Variants in GALNTL6 observed in about 807,000 individuals in gnomAD.
GALNTL6 encodes polypeptide N-acetylgalactosaminyltransferase like 6, also known as polypeptide N-acetylgalactosaminyltransferase-like 6.
Under a neutral mutation model 73.7 loss-of-function variants are expected in GALNTL6, and 46 were observed. The observed-to-expected ratio is 0.62, with a 90% confidence interval of 0.49 to 0.80. The LOEUF is 0.80. GALNTL6 is among the 30% of genes least tolerant of loss of function. The pLI is 0.00. For missense variants in GALNTL6, 604 were observed against 755.0 expected, an observed-to-expected ratio of 0.80 and a Z score of 2.34; for synonymous variants, 259 against 263.7, an observed-to-expected ratio of 0.98 and a Z score of 0.17.
At chr4:172,735,337 T>C (rs1464713598) in intron 5 of GALNTL6, among the ~76,000 whole-genome samples, 1 of 152,218 alleles carries the variant, frequency 6.6e-6, no homozygotes, top group African/African-American at 2.4e-5. Flanking sequence ...ACTTTGAGGT[T>C]TAATGACTGC....
intron 7 of GALNTL6, among the ~76,000 whole-genome samples, chr4:172,856,755 G>T (rs1744143712): frequency 6.6e-6 from 1 of 152,150 alleles, no homozygotes; most frequent in South Asian, 2.1e-4. Context: ...TGGTAAAGGG[G>T]ATTTCAGTGT....
chr4:172,344,528 T>C (rs7680698), intron 4 of GALNTL6, among the ~76,000 whole-genome samples: 3,452 of 152,328 alleles, frequency 0.023, 123 homozygotes, highest in African/African-American at 0.077. Context: ...TTCTACTCTT[T>C]GCCATCTGCA....
intron 2 of GALNTL6, among the ~76,000 whole-genome samples, chr4:171,821,640 G>GATATATATATATATAT (rs3080305): frequency 0.019 from 2,815 of 145,660 alleles, 39 homozygotes; most frequent in Non-Finnish European, 0.027. Context: ...AGGCTTAACG[G>GATATATATATATATAT]ATATATATAT....
chr4:172,285,285 G>A (rs1739207147), intron 3 of GALNTL6, among the ~76,000 whole-genome samples: 1 of 152,060 alleles, frequency 6.6e-6, no homozygotes, highest in South Asian at 2.1e-4. Flanking sequence ...ATTTATGGCT[G>A]ATAAAATTTA....
At chr4:171,994,136 G>C (rs1740418783) in intron 2 of GALNTL6, among the ~76,000 whole-genome samples, 1 of 151,958 alleles carries the variant, frequency 6.6e-6, no homozygotes, top group African/African-American at 2.4e-5. Flanking sequence ...TAGAAGTATG[G>C]TGATTGAAAC....
intron 5 of GALNTL6, among the ~76,000 whole-genome samples, chr4:172,732,328 A>G (rs767173999): frequency 2.0e-5 from 3 of 152,026 alleles, no homozygotes; most frequent in Non-Finnish European, 4.4e-5. Flanking sequence ...TGTGTAGTCT[A>G]TTTCATATAA....
intron 2 of GALNTL6, among the ~76,000 whole-genome samples, chr4:171,955,329 C>T (rs1022582113): frequency 6.6e-6 from 1 of 151,382 alleles, no homozygotes. Context: ...ATATATACAC[C>T]TTTTTATTTG....
At chr4:172,645,906 C>T (rs777429526) in intron 5 of GALNTL6, among the ~76,000 whole-genome samples, 20 of 151,878 alleles carry the variant, frequency 1.3e-4, no homozygotes, top group Non-Finnish European at 2.8e-4. Flanking sequence ...GTCTCTGAGT[C>T]TTCAGAGATA....
chr4:172,329,929 A>G (rs1418479781), intron 4 of GALNTL6, among the ~76,000 whole-genome samples: 1 of 151,842 alleles, frequency 6.6e-6, no homozygotes, highest in Non-Finnish European at 1.5e-5. Flanking sequence ...GGGCAGCTAC[A>G]CTGAGGGCAA....
Position 172,671,671 on chromosome 4 carries a change from G to T in GALNTL6, c.554-137690G>T, listed in dbSNP as rs547271571. ...CTTATTTCTTTCTCCTGATTGCCCA[G>T]GCCAGGACTTCCAATACTATGTTGA... On this transcript the variant is annotated intron_variant, in intron 5 of 12. Coordinates refer to ENST00000506823, the MANE Select transcript of GALNTL6 (RefSeq NM_001034845.3). 2.0e-5 allele frequency among the ~76,000 whole-genome samples: 3 copies of T among 152,170 alleles called. No individual in the cohort carries two copies. In the East Asian group the frequency reaches 5.8e-4, roughly 29 times the overall value.
chr4:172,688,633 G>A (rs1456378401), intron 5 of GALNTL6, among the ~76,000 whole-genome samples: 2 of 152,228 alleles, frequency 1.3e-5, no homozygotes, highest in African/African-American at 4.8e-5. Context: ...TAGTAAGAAG[G>A]CTGTTTATTT....
chr4:172,373,503 A>G (rs1286371864), intron 5 of GALNTL6, among the ~76,000 whole-genome samples: 1 of 152,178 alleles, frequency 6.6e-6, no homozygotes, highest in Non-Finnish European at 1.5e-5. Flanking sequence ...ATGTTTAACA[A>G]TATCCTGTAA....
At chr4:172,022,778 C>A (rs764652058) in intron 2 of GALNTL6, among the ~76,000 whole-genome samples, 1 of 151,976 alleles carries the variant, frequency 6.6e-6, no homozygotes, top group Non-Finnish European at 1.5e-5. Context: ...GGCTGCTAAG[C>A]ACTCCTGCAA....
At chr4:172,482,250 T>G (rs958177163) in intron 5 of GALNTL6, among the ~76,000 whole-genome samples, 1 of 152,102 alleles carries the variant, frequency 6.6e-6, no homozygotes, top group African/African-American at 2.4e-5. Context: ...CACCTGCGCC[T>G]CTCCCTCCAC....
At chr4:172,948,247 C>T (rs576562382) in intron 9 of GALNTL6, among the ~76,000 whole-genome samples, 1 of 152,274 alleles carries the variant, frequency 6.6e-6, no homozygotes, top group South Asian at 2.1e-4. Context: ...GTTTATGTAA[C>T]ACTTATAGCT....
chr4:172,171,029 CTCA>C (rs1734803480), intron 2 of GALNTL6, among the ~76,000 whole-genome samples: 1 of 152,138 alleles, frequency 6.6e-6, no homozygotes, highest in Non-Finnish European at 1.5e-5. Context: ...CAGTTTATCT[CTCA>C]TCATTTATTA....
rs555670161 is a variant in GALNTL6, at chr4:171,989,274, C to T, written c.138+174556C>T. Among the ~76,000 whole-genome samples, 57 of 152,242 alleles carry T rather than the reference C, an allele frequency of 3.7e-4. 1 individual carries two copies. Among genetic ancestry groups the T allele is most frequent in the African/African-American group, 1.2e-3 (48 of 41,548 alleles). Reference sequence around the variant, plus strand: ...GTGATGGTCTAGGGGGCTTCTGAGGCGATCCGGCAGTGTCAGTCTTCAGCC... The same window carrying T: ...GTGATGGTCTAGGGGGCTTCTGAGGTGATCCGGCAGTGTCAGTCTTCAGCC... On this transcript the variant is annotated intron_variant, in intron 2 of 12. Coordinates refer to ENST00000506823, the MANE Select transcript of GALNTL6 (RefSeq NM_001034845.3).
At chr4:172,999,098 G>A (rs1316843665) in intron 10 of GALNTL6, among the ~76,000 whole-genome samples, 1 of 152,042 alleles carries the variant, frequency 6.6e-6, no homozygotes, top group Non-Finnish European at 1.5e-5. Flanking sequence ...TGAGGAATGT[G>A]AGCAAGGCAG....
chr4:171,821,775 C>G (rs1171359284), intron 2 of GALNTL6, among the ~76,000 whole-genome samples: 1 of 151,732 alleles, frequency 6.6e-6, no homozygotes, highest in Admixed American at 6.6e-5. Context: ...ATTGTCAAGA[C>G]AGCACAGCAG....
Sources: gnomAD v4.1 joint callset for allele counts (sites outside exome capture counted in the v4.1 genomes callset) on GRCh38, gnomAD v4.1.1 for gene constraint, MANE v1.5 for transcripts, NCBI Gene and HGNC (gene_info 2026-07-23, HGNC 2026-07-21) for gene names.